Variants in DHRS12 observed in about 807,000 individuals in gnomAD.
DHRS12 encodes dehydrogenase/reductase SDR family member 12.
In DHRS12, 29 loss-of-function variants were observed where a neutral mutation model predicts 32.1. The observed-to-expected ratio is 0.90, with a 90% CI of 0.67 to 1.23. The LOEUF is 1.23. Ranked by LOEUF, DHRS12 falls within the 50% of genes most tolerant of loss-of-function variation. The pLI, the probability that DHRS12 is intolerant of heterozygous loss-of-function variation, is 0.00. For synonymous variants in DHRS12, 150 were observed against 135.9 expected (o/e 1.10, Z -0.72); for missense variants, 330 against 337.2 (o/e 0.98, Z 0.17).
the DHRS12 span, among the ~76,000 whole-genome samples, chr13:51,755,674 G>A: frequency 6.6e-6 from 1 of 152,124 alleles, no homozygotes; most frequent in Admixed American, 6.5e-5. Context: ...TAAGCAGTTA[G>A]GGATGTGATT....
chr13:51,758,644 C>T, the DHRS12 span, among the ~76,000 whole-genome samples: 3 of 151,980 alleles, frequency 2.0e-5, no homozygotes, highest in Non-Finnish European at 4.4e-5. Flanking sequence ...ATCCCAGGCA[C>T]TGGCTCTACA....
At chr13:51,767,147 A>AAAAT (rs1307205681), downstream of DHRS12, 1 of 152,288 alleles carries the variant, frequency 6.6e-6, no homozygotes, top group East Asian at 1.9e-4. Context: ...ATGGAGAAGA[A>AAAAT]AAATAGGTGC....
rs932041806 is a variant in DHRS12, at chr13:51,770,810, T to G, written c.559+1011A>C. On this transcript the variant is annotated intron_variant, in intron 7 of 8. Transcript: ENST00000444610. ...AACTTGGTATCTTCATTTAATGATA[T>G]AGTGCACACAGGGTTTTTCCATAGG... 3.9e-6 allele frequency: 4 copies of G among 1,037,376 alleles called. No homozygotes were observed. In the African/African-American group the frequency reaches 6.8e-5, roughly 18 times the overall value. 64.3% of individuals were successfully genotyped at this position (1,037,376 alleles called of 1,614,324 possible).
At chr13:51,768,454 C>G (rs1361184689) in intron 8 of DHRS12, 158 bp from the exon 9 acceptor site, 6 of 1,445,620 alleles carry the variant, frequency 4.2e-6, no homozygotes, top group Non-Finnish European at 5.4e-6. Flanking sequence ...CCACAGGGAT[C>G]AGGCAGCATG....
chr13:51,761,423 G>A, the DHRS12 span: 1 of 152,130 alleles, frequency 6.6e-6, no homozygotes, highest in Non-Finnish European at 1.5e-5. Context: ...CACTTTACAC[G>A]CACAGCTCAT....
At chr13:51,770,844 G>A (rs756550317) in intron 7 of DHRS12, 583 of 1,071,106 alleles carry the variant, frequency 5.4e-4, no homozygotes, top group Non-Finnish European at 6.1e-4. Flanking sequence ...GGCATGATTG[G>A]CAGCAGAGTC....
intron 1 of DHRS12, among the ~76,000 whole-genome samples, chr13:51,800,218 C>T (rs895649119): frequency 3.9e-5 from 6 of 152,146 alleles, no homozygotes; most frequent in Non-Finnish European, 5.9e-5. Context: ...GAGTGCCATT[C>T]GGATCAGAAT....
At chr13:51,758,178 T>A in the DHRS12 span, 2 of 1,543,032 alleles carry the variant, frequency 1.3e-6, no homozygotes, top group Admixed American at 3.4e-5. Context: ...AGAAGCTTTC[T>A]TTGCTCCTTC....
chr13:51,803,967 C>T (rs1410995280), intron 1 of DHRS12, 87 bp downstream of exon 1: 4 of 1,218,598 alleles, frequency 3.3e-6, no homozygotes, highest in Middle Eastern at 3.1e-4. Context: ...GAAGGAGCCG[C>T]GGGCGCGTCC....
In DHRS12 at chr13:51,799,670, A is replaced by G. The variant is rs1593571915; in HGVS notation, c.-8-3T>C. Reference sequence around the variant, plus strand: ...TACATGCAGATTCATAGCCACTCCTAGAAAGAGGAGACCCACAGGAAGACC... The same window carrying G: ...TACATGCAGATTCATAGCCACTCCTGGAAAGAGGAGACCCACAGGAAGACC... On this transcript the variant is annotated splice_region_variant and splice_polypyrimidine_tract_variant and intron_variant, in intron 1 of 8. Transcript: ENST00000444610. The G allele has an allele frequency of 1.2e-6, 2 of 1,613,772 alleles. No individual in the cohort carries two copies. The highest frequency in any genetic ancestry group is 1.7e-6 in the Non-Finnish European group (2 of 1,179,952).
intron 1 of DHRS12, among the ~76,000 whole-genome samples, chr13:51,801,584 G>A (rs1955757415): frequency 6.6e-6 from 1 of 152,172 alleles, no homozygotes; most frequent in Non-Finnish European, 1.5e-5. Context: ...GGGACTTTGA[G>A]AGCATTTTAA....
chr13:51,787,862 TATATAA>T (rs1218324764), intron 4 of DHRS12, among the ~76,000 whole-genome samples: 3 of 120,794 alleles, frequency 2.5e-5, no homozygotes, highest in African/African-American at 9.6e-5. Flanking sequence ...TTATATATAA[TATATAA>T]ATATATAATT....
rs561066483 is a variant in DHRS12, at chr13:51,782,135, C to G, written c.302-5014G>C. On this transcript the variant is annotated intron_variant, in intron 4 of 8. Transcript: ENST00000444610. The surrounding 1 kb of genome is among the most constrained non-coding windows in gnomAD (Gnocchi z 4.2). ...GGTGGGGCCCATTACAGGAGCAGAC[C>G]GGTGAGGGACTAAGGCTTCAGTTTT... Among the ~76,000 whole-genome samples, 3 of 152,054 alleles carry G rather than the reference C, an allele frequency of 2.0e-5. No individual in the cohort carries two copies. The highest frequency in any genetic ancestry group is 7.2e-5 in the African/African-American group (3 of 41,398).
At chr13:51,776,862 G>C (rs937831756) in intron 5 of DHRS12, among the ~76,000 whole-genome samples, 198 bp downstream of exon 5, 10 of 152,106 alleles carry the variant, frequency 6.6e-5, no homozygotes, top group African/African-American at 1.9e-4. Context: ...GGTTGGGGGG[G>C]TTCAGAGAGG....
intron 1 of DHRS12, among the ~76,000 whole-genome samples, chr13:51,800,209 A>G (rs980301556): frequency 6.6e-6 from 1 of 152,214 alleles, no homozygotes; most frequent in Non-Finnish European, 1.5e-5. Context: ...AGCTCTAGGG[A>G]GTGCCATTCG....
intron 4 of DHRS12, among the ~76,000 whole-genome samples, chr13:51,777,726 T>G (rs1402448972): frequency 1.3e-5 from 2 of 152,196 alleles, no homozygotes; most frequent in African/African-American, 4.8e-5. Context: ...ACACCACCAT[T>G]CCATTTTGGT....
At position 51,797,835 on chromosome 13, in the gene DHRS12, G is replaced by T. The variant is rs770765646; in HGVS notation, c.126+1699C>A. 3 of 1,535,244 alleles carry T rather than the reference G, an allele frequency of 2.0e-6. No individual in the cohort carries two copies. In the East Asian group the frequency reaches 7.3e-5, roughly 38 times the overall value. Reference sequence around the variant, plus strand: ...GTGAGGAGCTGCTCACCTGGTTACCGCTCTCCCGGATGATCTCACCCCTGG... The same window carrying T: ...GTGAGGAGCTGCTCACCTGGTTACCTCTCTCCCGGATGATCTCACCCCTGG... On this transcript the variant is annotated intron_variant, in intron 2 of 8. Coordinates refer to ENST00000444610, the MANE Select transcript of DHRS12 (RefSeq NM_001377533.1).
chr13:51,790,109 T>A lies in DHRS12; in HGVS notation c.220-17A>T. 6.4e-7 allele frequency: 1 copy of A among 1,561,026 alleles called. No individual in the cohort carries two copies. The highest frequency in any genetic ancestry group is 8.6e-7 in the Non-Finnish European group (1 of 1,159,920). Reference sequence around the variant, plus strand: ...ATTATTGATCTAAAATTTATAGTTCTCATTTCAAAATAAAGAAAAATAGGG... The same window carrying A: ...ATTATTGATCTAAAATTTATAGTTCACATTTCAAAATAAAGAAAAATAGGG... On this transcript the variant is annotated splice_polypyrimidine_tract_variant and intron_variant, in intron 3 of 8. Transcript: ENST00000444610.
intron 5 of DHRS12, chr13:51,776,031 T>C (rs1284899014): frequency 8.0e-6 from 1 of 125,458 alleles, no homozygotes; most frequent in Non-Finnish European, 1.6e-5. Flanking sequence ...TTCTCCTACA[T>C]GTATTCTACA....
Sources: allele counts gnomAD v4.1 joint callset (sites outside exome capture counted in the v4.1 genomes callset), GRCh38; gene constraint gnomAD v4.1.1; non-coding constraint Gnocchi (gnomAD v3.1); transcripts MANE v1.5; gene names NCBI Gene and HGNC (gene_info 2026-07-23, HGNC 2026-07-21).